Variants in PKN2 observed in about 807,000 individuals in gnomAD.
PKN2 encodes serine/threonine-protein kinase N2.
Under a neutral mutation model 119.1 loss-of-function variants are expected in PKN2, and 38 were observed. That is an observed-to-expected ratio of 0.32 (90% CI 0.25 to 0.42). The LOEUF (loss-of-function observed/expected upper bound fraction) is 0.42, where lower values mean the gene tolerates loss of function less well. Among genes scored for constraint, PKN2 ranks in the 10% least tolerant of loss-of-function variants. The pLI, the probability that PKN2 is intolerant of heterozygous loss-of-function variation, is 1.00. For missense variants in PKN2, 850 were observed against 1,165.1 expected, an observed-to-expected ratio of 0.73 and a Z score of 3.94; for synonymous variants, 390 against 384.9, an observed-to-expected ratio of 1.01 and a Z score of -0.15.
At chr1:88,785,301 T>C (rs528326679) in intron 7 of PKN2, among the ~76,000 whole-genome samples, 30 of 152,090 alleles carry the variant, frequency 2.0e-4, no homozygotes, top group Non-Finnish European at 3.8e-4. Context: ...GCTAATTTTT[T>C]TTTCTAGAGG....
chr1:88,721,739 C>T (rs781670638), intron 1 of PKN2, among the ~76,000 whole-genome samples: 1 of 152,104 alleles, frequency 6.6e-6, no homozygotes, highest in African/African-American at 2.4e-5. Flanking sequence ...GCATAGTAGG[C>T]TCACAAGAAA....
chr1:88,721,866 C>T (rs1667693237), intron 1 of PKN2, among the ~76,000 whole-genome samples: 1 of 152,170 alleles, frequency 6.6e-6, no homozygotes, highest in East Asian at 1.9e-4. Context: ...TCCTACCACT[C>T]TATGTGAGTG....
intron 2 of PKN2, among the ~76,000 whole-genome samples, chr1:88,755,688 A>G (rs548081550): frequency 6.6e-6 from 1 of 152,298 alleles, no homozygotes; most frequent in South Asian, 2.1e-4. Context: ...TGGCTAAGGA[A>G]ACTGTAGCAC....
rs535484606 is a variant in PKN2, at chr1:88,786,129, C to T, written c.1197C>T (p.Leu399=). ...LSNDVCAVLK[L]DNTVVGQTSW... ...ATGATGTCTGTGCTGTTTTGAAGCT[C>T]GATAATACTGTGGTTGGCCAAACTA... Residue 399 remains leucine (L), a synonymous_variant, in exon 8 of 22, where the codon CTC becomes CTT. Coordinates refer to ENST00000370521, the MANE Select transcript of PKN2 (RefSeq NM_006256.4). 1.4e-5 allele frequency: 23 copies of T among 1,610,958 alleles called. No homozygotes were observed. In the Admixed American group the frequency reaches 2.2e-4, roughly 15 times the overall value.
intron 1 of PKN2, among the ~76,000 whole-genome samples, chr1:88,702,017 G>A (rs573587748): frequency 1.3e-5 from 2 of 152,254 alleles, no homozygotes; most frequent in East Asian, 1.9e-4. Flanking sequence ...GGAATGCAGT[G>A]GCGCAATCCG....
chr1:88,765,753 G>A (rs1389431400), intron 3 of PKN2, among the ~76,000 whole-genome samples: 1 of 152,054 alleles, frequency 6.6e-6, no homozygotes, highest in Non-Finnish European at 1.5e-5. Flanking sequence ...TAATGACTCG[G>A]GAAACCTTTC....
At chr1:88,723,301 C>T (rs1457453528) in intron 1 of PKN2, among the ~76,000 whole-genome samples, 1 of 151,832 alleles carries the variant, frequency 6.6e-6, no homozygotes, top group Non-Finnish European at 1.5e-5. Context: ...TCAGTAGAGA[C>T]GGGGTTTCAC....
At chr1:88,805,087 CT>C (rs1671482792) in intron 10 of PKN2, among the ~76,000 whole-genome samples, 166 bp downstream of exon 10, 1 of 152,106 alleles carries the variant, frequency 6.6e-6, no homozygotes, top group Admixed American at 6.6e-5. Context: ...AGTGGAGAGA[CT>C]AGTGAAATGT....
intron 16 of PKN2, among the ~76,000 whole-genome samples, chr1:88,819,862 A>G (rs1672174648): frequency 6.6e-6 from 1 of 152,134 alleles, no homozygotes. Context: ...TTTGCAGGAC[A>G]TGGATGAAGC....
rs1292588892 is a variant in PKN2, at chr1:88,807,567, G to C, written c.1973G>C (p.Arg658Thr). 4.3e-6 allele frequency: 7 copies of C among 1,612,640 alleles called. No homozygotes were observed. Among genetic ancestry groups the C allele is most frequent in the Non-Finnish European group, 5.9e-6 (7 of 1,179,096 alleles). The change falls in exon 14 of 22, where the codon AGG becomes ACG. Residue 658 changes from arginine (R) to threonine (T), a missense_variant. Arg to Thr is a moderately conservative substitution (Grantham distance 71). Transcript: ENST00000370521. ...QRFQFNLQDF[R>T]CCAVLGRGHF... ...TTTCAGTTTAATCTACAAGATTTCA[G>C]GTGTTGTGCTGTCTTGGGAAGAGGA...
chr1:88,822,300 A>G (rs786922), intron 17 of PKN2, among the ~76,000 whole-genome samples: 77,214 of 151,930 alleles, frequency 0.51, 20,325 homozygotes, highest in Middle Eastern at 0.7. Flanking sequence ...CAAACGACTC[A>G]TTGCAGAAAA....
At chr1:88,797,021 G>A (rs1316505733) in intron 8 of PKN2, among the ~76,000 whole-genome samples, 1 of 151,588 alleles carries the variant, frequency 6.6e-6, no homozygotes, top group Non-Finnish European at 1.5e-5. Context: ...AATCTGAGAA[G>A]GGAGGGCAGG....
At chr1:88,767,636 A>C (rs1669716238) in intron 3 of PKN2, among the ~76,000 whole-genome samples, 1 of 152,198 alleles carries the variant, frequency 6.6e-6, no homozygotes, top group Admixed American at 6.5e-5. Context: ...ATATATCTAA[A>C]CATAGGTATA....
intron 16 of PKN2, among the ~76,000 whole-genome samples, chr1:88,814,584 A>C (rs544729302): frequency 6.6e-6 from 1 of 152,232 alleles, no homozygotes; most frequent in East Asian, 1.9e-4. Context: ...AACAACTTAA[A>C]CTGAACTGAT....
intron 19 of PKN2, chr1:88,829,327 TACACCA>T: frequency 3.7e-6 from 2 of 533,618 alleles, no homozygotes; most frequent in Admixed American, 2.6e-5. Flanking sequence ...AAGTATTCGC[TACACCA>T]ACAGCTCCAC....
intron 3 of PKN2, among the ~76,000 whole-genome samples, chr1:88,769,003 A>C (rs1669777151): frequency 6.6e-6 from 1 of 152,178 alleles, no homozygotes; most frequent in East Asian, 1.9e-4. Flanking sequence ...CTCAACAACC[A>C]GCGTGAACTC....
chr1:88,708,650 T>C, intron 1 of PKN2, among the ~76,000 whole-genome samples: 1 of 145,710 alleles, frequency 6.9e-6, no homozygotes, highest in Admixed American at 7.0e-5. Context: ...AAAGTAGAGA[T>C]GGGGTTTCAC....
intron 2 of PKN2, among the ~76,000 whole-genome samples, chr1:88,750,740 C>G (rs920324353): frequency 6.6e-6 from 1 of 152,124 alleles, no homozygotes; most frequent in Non-Finnish European, 1.5e-5. Flanking sequence ...CCCGTTAGTG[C>G]ATGACCCCAG....
At chr1:88,697,571 G>A (rs1666591416) in intron 1 of PKN2, among the ~76,000 whole-genome samples, 1 of 152,044 alleles carries the variant, frequency 6.6e-6, no homozygotes, top group South Asian at 2.1e-4. Flanking sequence ...TTGTTCTGCT[G>A]TTATTTAAAC....
Sources: gnomAD v4.1 joint callset for allele counts (sites outside exome capture counted in the v4.1 genomes callset) on GRCh38, gnomAD v4.1.1 for gene constraint, MANE v1.5 for transcripts, NCBI Gene and HGNC (gene_info 2026-07-23, HGNC 2026-07-21) for gene names.